ATRNL1: variants seen among roughly 807,000 people sequenced by gnomAD.
ATRNL1 encodes the protein attractin-like protein 1.
A neutral mutation model predicts 182.7 loss-of-function variants in ATRNL1; 95 were observed. The ratio of observed to expected loss-of-function variants is 0.52; its 90% CI spans 0.44 to 0.62. The LOEUF (loss-of-function observed/expected upper bound fraction) is 0.62, where lower values mean the gene tolerates loss of function less well. Ranked by LOEUF, ATRNL1 falls within the 20% of genes least tolerant of loss-of-function variation. The probability of loss-of-function intolerance (pLI) is 0.00; values close to 1 mark genes in which losing one functional copy is unlikely to be tolerated. For synonymous variants in ATRNL1, 576 were observed against 568.3 expected, an observed-to-expected ratio of 1.01 and a Z score of -0.19; for missense variants, 1,471 against 1,679.5, an observed-to-expected ratio of 0.88 and a Z score of 2.17.
At chr10:115,272,281 G>A (rs1254457413) in intron 13 of ATRNL1, among the ~76,000 whole-genome samples, 1 of 152,120 alleles carries the variant, frequency 6.6e-6, no homozygotes, top group Non-Finnish European at 1.5e-5. Flanking sequence ...ACTGAAAGAC[G>A]CCATAAGGGA....
intron 1 of ATRNL1, among the ~76,000 whole-genome samples, chr10:115,099,725 G>A (rs1013017791): frequency 6.6e-6 from 1 of 152,022 alleles, no homozygotes; most frequent in Non-Finnish European, 1.5e-5. Context: ...CTTGCCATCC[G>A]TATATCTTCT....
chr10:115,477,511 T>G (rs1016337193), intron 24 of ATRNL1, among the ~76,000 whole-genome samples: 3 of 151,550 alleles, frequency 2.0e-5, no homozygotes, highest in Admixed American at 6.6e-5. Flanking sequence ...ACTGGCAAAT[T>G]TAGGACACCT....
chr10:115,252,845 A>G (rs1273326140), intron 10 of ATRNL1, among the ~76,000 whole-genome samples: 1 of 152,040 alleles, frequency 6.6e-6, no homozygotes, highest in Non-Finnish European at 1.5e-5. Context: ...CATGTTTTTC[A>G]AGCATCTAGT....
intron 8 of ATRNL1, among the ~76,000 whole-genome samples, chr10:115,197,956 T>C (rs1848424570): frequency 6.6e-6 from 1 of 152,182 alleles, no homozygotes; most frequent in Non-Finnish European, 1.5e-5. Flanking sequence ...ATCTTGGCTA[T>C]TGAGACTAAT....
At chr10:115,367,975 TTGTC>T (rs1250103842) in intron 19 of ATRNL1, among the ~76,000 whole-genome samples, 16 of 151,858 alleles carry the variant, frequency 1.1e-4, no homozygotes, top group African/African-American at 3.6e-4. Flanking sequence ...GTCTTTTTGT[TTGTC>T]TGTGCCCTGC....
chr10:115,492,736 C>G (rs1429846957), intron 24 of ATRNL1, among the ~76,000 whole-genome samples: 1 of 150,298 alleles, frequency 6.7e-6, no homozygotes, highest in African/African-American at 2.5e-5. Flanking sequence ...CTCCGCCTCC[C>G]GGGTTCACAC....
intron 13 of ATRNL1, among the ~76,000 whole-genome samples, chr10:115,279,922 G>T (rs1367463072): frequency 6.6e-6 from 1 of 152,138 alleles, no homozygotes; most frequent in Non-Finnish European, 1.5e-5. Flanking sequence ...CCCTGGTGAG[G>T]CACGACAGAC....
intron 8 of ATRNL1, among the ~76,000 whole-genome samples, chr10:115,177,809 C>T (rs1162644587): frequency 7.1e-6 from 1 of 139,928 alleles, no homozygotes; most frequent in African/African-American, 2.7e-5. Flanking sequence ...AGAGATAAGA[C>T]AACAGAATAC....
chr10:115,317,505 T>C (rs1308054754), intron 18 of ATRNL1, among the ~76,000 whole-genome samples: 2 of 152,212 alleles, frequency 1.3e-5, no homozygotes, highest in Non-Finnish European at 2.9e-5. Flanking sequence ...TTTACGATAT[T>C]GATTCTTCCT....
Position 115,469,305 on chromosome 10 carries a change from C to T in ATRNL1, c.3630C>T (p.Asn1210=). The T allele has an allele frequency of 6.5e-7, 1 of 1,529,250 alleles. No homozygotes were observed. Among genetic ancestry groups the T allele is most frequent in the Non-Finnish European group, 8.7e-7 (1 of 1,143,286 alleles). 94.7% of individuals were successfully genotyped at this position (1,529,250 alleles called of 1,614,324 possible). A position where few individuals can be genotyped will look rare whatever the true frequency, so the allele number is the denominator to read the frequency against. The change falls in exon 24 of 29, where the codon AAC becomes AAT. Residue 1210 remains asparagine, a synonymous_variant. Transcript: ENST00000355044. ...PNITFYVYVS[N]FSWPIKIQIA... ...TTACATTCTATGTGTACGTCAGCAA[C>T]TTTTCCTGGCCTATTAAAATACAGG...
At chr10:115,524,955 T>C (rs1851134358) in intron 25 of ATRNL1, among the ~76,000 whole-genome samples, 1 of 152,216 alleles carries the variant, frequency 6.6e-6, no homozygotes, top group African/African-American at 2.4e-5. Context: ...ACTGTATATA[T>C]ATCCTCATGC....
chr10:115,214,500 T>C (rs1849156719), intron 8 of ATRNL1, among the ~76,000 whole-genome samples: 1 of 152,050 alleles, frequency 6.6e-6, no homozygotes, highest in Admixed American at 6.6e-5. Context: ...GATATTTCTA[T>C]TTTTTATGAT....
chr10:115,475,354 C>G (rs1848483674), intron 24 of ATRNL1, among the ~76,000 whole-genome samples: 1 of 151,372 alleles, frequency 6.6e-6, no homozygotes, highest in South Asian at 2.1e-4. Context: ...AATTAGGCAG[C>G]TAATATGTAG....
At chr10:115,891,242 CTT>C (rs1952073341) in intron 28 of ATRNL1, among the ~76,000 whole-genome samples, 1 of 152,090 alleles carries the variant, frequency 6.6e-6, no homozygotes, top group East Asian at 1.9e-4. Flanking sequence ...AGTGAGGACA[CTT>C]ATAAAAGGAG....
At chr10:115,800,083 G>A (rs1431165689) in intron 27 of ATRNL1, among the ~76,000 whole-genome samples, 2 of 151,880 alleles carry the variant, frequency 1.3e-5, no homozygotes. Context: ...AGCTGGACGT[G>A]GTGGTGCGTG....
At chr10:115,602,939 C>T (rs1856688180) in intron 26 of ATRNL1, among the ~76,000 whole-genome samples, 1 of 151,608 alleles carries the variant, frequency 6.6e-6, no homozygotes, top group Non-Finnish European at 1.5e-5. Flanking sequence ...CAGGGATACA[C>T]TTTATTTAAA....
In ATRNL1 at chr10:115,260,002, T is replaced by C. The variant is rs1851328561; in HGVS notation, c.1688-5191T>C. On this transcript the variant is annotated intron_variant, in intron 10 of 28. Coordinates refer to ENST00000355044, the MANE Select transcript of ATRNL1 (RefSeq NM_207303.4). Reference sequence around the variant, plus strand: ...ATGTAATTCTTTTTTAAACTTTTAGTATAATTGAAGATGATGTCTTGGAGA... The same window carrying C: ...ATGTAATTCTTTTTTAAACTTTTAGCATAATTGAAGATGATGTCTTGGAGA... Among the ~76,000 whole-genome samples the C allele has an allele frequency of 3.3e-5, 5 of 150,414 alleles. No homozygotes were observed. In the South Asian group the frequency reaches 1.1e-3, roughly 32 times the overall value.
At chr10:115,700,483 C>T (rs927491743) in intron 26 of ATRNL1, among the ~76,000 whole-genome samples, 2 of 152,030 alleles carry the variant, frequency 1.3e-5, no homozygotes, top group Non-Finnish European at 2.9e-5. Flanking sequence ...ATTTTAGCCA[C>T]TTATATGTCT....
At chr10:115,371,688 A>T (rs1857403095) in intron 19 of ATRNL1, among the ~76,000 whole-genome samples, 1 of 151,830 alleles carries the variant, frequency 6.6e-6, no homozygotes. Flanking sequence ...GACAGAAGGG[A>T]CTCTCCTTGT....
Sources: allele counts gnomAD v4.1 joint callset (sites outside exome capture counted in the v4.1 genomes callset), GRCh38; gene constraint gnomAD v4.1.1; transcripts MANE v1.5; gene names NCBI Gene and HGNC (gene_info 2026-07-23, HGNC 2026-07-21).